Variants in TMEM192 observed in about 807,000 individuals in gnomAD.
TMEM192 encodes the protein transmembrane protein 192.
A neutral mutation model predicts 26.7 loss-of-function variants in TMEM192; 20 were observed. The ratio of observed to expected loss-of-function variants is 0.75; its 90% CI spans 0.53 to 1.09. The LOEUF is 1.09. Ranked by LOEUF, TMEM192 falls within the 50% of genes least tolerant of loss-of-function variation. The pLI, the probability that TMEM192 is intolerant of heterozygous loss-of-function variation, is 0.00. For missense variants in TMEM192, 304 were observed against 322.6 expected (o/e 0.94, Z 0.44); for synonymous variants, 124 against 121.0 (o/e 1.02, Z -0.16).
At position 165,074,942 on chromosome 4, in the gene TMEM192, T is replaced by C. The variant is rs1396999266; in HGVS notation, c.*4716A>G. 2 of 152,214 alleles carry C rather than the reference T, an allele frequency of 1.3e-5. No individual in the cohort carries two copies. The highest frequency in any genetic ancestry group is 6.5e-5 in the Admixed American group (1 of 15,284). 9.4% of individuals were successfully genotyped at this position (152,214 alleles called of 1,614,324 possible). ...CAATAATAAGCAAAGGACTTGAATATACATGTCATAAAAGATTTATAAAAG... is the reference window on the plus strand; with the variant it reads ...CAATAATAAGCAAAGGACTTGAATACACATGTCATAAAAGATTTATAAAAG... On this transcript the variant is annotated 3_prime_UTR_variant, in exon 6 of 6. Transcript: ENST00000306480.
rs545616636 is a variant in TMEM192, at chr4:165,081,949, C to A, written c.678-2153G>T. 1.8e-3 allele frequency among the ~76,000 whole-genome samples: 64 copies of A among 35,358 alleles called. 31 individuals are homozygous for A. The highest frequency in any genetic ancestry group is 5.8e-3 in the Non-Finnish European group (56 of 9,640). The allele number at this position is 35,358 out of a possible 152,430, so 23.2% of individuals were successfully genotyped here. On this transcript the variant is annotated intron_variant, in intron 5 of 5. Transcript: ENST00000306480. ...ATAGTGCTGGGATTACAGGCGTGAG[C>A]CACCATGACTGACCATCTTCTTTTT...
At chr4:165,101,889 C>T (rs1735047031) in intron 2 of TMEM192, among the ~76,000 whole-genome samples, 1 of 152,214 alleles carries the variant, frequency 6.6e-6, no homozygotes, top group Non-Finnish European at 1.5e-5. Context: ...TGCAGACAGG[C>T]AAACCTATCA....
chr4:165,087,966 G>A (rs563589796), intron 4 of TMEM192, among the ~76,000 whole-genome samples: 5 of 152,316 alleles, frequency 3.3e-5, no homozygotes, highest in Admixed American at 6.5e-5. Context: ...CTGGAGTGCA[G>A]GCATGTGATC....
rs748320584 is a variant in TMEM192 at position 165,088,619 on chromosome 4, T to C, written c.440-17A>G. On this transcript the variant is annotated splice_polypyrimidine_tract_variant and intron_variant, in intron 3 of 5. Transcript: ENST00000306480. ...CTGTGTTGCCTGAGGAGGAGAAACA[T>C]AAAACACAGCATGTGATGAGAAATA... The C allele has an allele frequency of 8.1e-6, 13 of 1,603,648 alleles. No homozygotes were observed. The highest frequency in any genetic ancestry group is 8.0e-5 in the African/African-American group (6 of 74,648).
At chr4:165,111,152 T>A (rs921835753) in intron 1 of TMEM192, among the ~76,000 whole-genome samples, 1 of 152,178 alleles carries the variant, frequency 6.6e-6, no homozygotes, top group Non-Finnish European at 1.5e-5. Flanking sequence ...CCGGCTGGAG[T>A]GCAGTGATGC....
At chr4:165,102,847 CATTTT>C (rs1735068939) in intron 2 of TMEM192, 98 bp downstream of exon 2, 2 of 947,818 alleles carry the variant, frequency 2.1e-6, no homozygotes, top group African/African-American at 3.4e-5. Flanking sequence ...ATGTGCCCTA[CATTTT>C]AAATGTTGAT....
At chr4:165,091,061 T>C (rs1734750683) in intron 3 of TMEM192, among the ~76,000 whole-genome samples, 1 of 151,498 alleles carries the variant, frequency 6.6e-6, no homozygotes, top group Non-Finnish European at 1.5e-5. Flanking sequence ...GCCAGGAGAT[T>C]GAGACCATCC....
intron 3 of TMEM192, among the ~76,000 whole-genome samples, chr4:165,094,189 C>T (rs1049972779): frequency 6.6e-6 from 1 of 152,186 alleles, no homozygotes; most frequent in Non-Finnish European, 1.5e-5. Context: ...GCGTGAGCCA[C>T]AGCACCTGGC....
Position 165,112,253 on chromosome 4 carries a change from G to A in TMEM192, c.27+494C>T, listed in dbSNP as rs188070527. Among the ~76,000 whole-genome samples, 15 of 152,286 alleles carry A rather than the reference G, an allele frequency of 9.8e-5. No individual in the cohort carries two copies. In the East Asian group the frequency reaches 2.7e-3, roughly 27 times the overall value. ...CGGGACGCTGGCGCCCGGCCCGAGC[G>A]TCGTTGTCACTCCAAGTCCACAGCC... is the stretch of plus-strand genomic sequence containing the variant. On this transcript the variant is annotated intron_variant, in intron 1 of 5. Transcript: ENST00000306480.
chr4:165,091,983 C>A (rs538825539), intron 3 of TMEM192, among the ~76,000 whole-genome samples: 2 of 152,110 alleles, frequency 1.3e-5, no homozygotes, highest in East Asian at 1.9e-4. Context: ...TAAGAGTATG[C>A]CCATGATCCA....
chr4:165,085,430 C>A (rs1238448765), intron 5 of TMEM192, among the ~76,000 whole-genome samples, 156 bp downstream of exon 5: 2 of 152,108 alleles, frequency 1.3e-5, no homozygotes, highest in Non-Finnish European at 2.9e-5. Flanking sequence ...ATTTACACAT[C>A]CTGATTTAGA....
In TMEM192 at chr4:165,074,293, T is replaced by C. The variant is rs1024603209; in HGVS notation, c.*5365A>G. The C allele has an allele frequency of 5.3e-5, 8 of 152,144 alleles. No individual in the cohort carries two copies. The highest frequency in any genetic ancestry group is 3.3e-4 in the Admixed American group (5 of 15,258). The allele number at this position is 152,144 out of a possible 1,614,324, so 9.4% of individuals were successfully genotyped here. ...GAGAGGAAGGGAGAAGAATTAGAGA[T>C]AGGCTTCCCTGGTTTGCGAATGAAA... On this transcript the variant is annotated 3_prime_UTR_variant, in exon 6 of 6. Transcript: ENST00000306480.
At chr4:165,109,042 C>T (rs570973292) in intron 1 of TMEM192, among the ~76,000 whole-genome samples, 26 of 152,280 alleles carry the variant, frequency 1.7e-4, no homozygotes, top group Admixed American at 7.2e-4. Flanking sequence ...TTGTATCATA[C>T]GTTATATCTA....
chr4:165,098,755 C>T (rs190025064), intron 3 of TMEM192, among the ~76,000 whole-genome samples: 13 of 151,670 alleles, frequency 8.6e-5, no homozygotes, highest in Admixed American at 6.6e-4. Flanking sequence ...TGGAGTGCAG[C>T]GGCATGACTT....
intron 2 of TMEM192, among the ~76,000 whole-genome samples, chr4:165,102,437 A>T (rs952022273): frequency 1.3e-5 from 2 of 152,150 alleles, no homozygotes; most frequent in African/African-American, 2.4e-5. Flanking sequence ...ATATTCTATT[A>T]TATACAGGAA....
In TMEM192 at chr4:165,100,751, G is replaced by T. The variant is rs1735020925; in HGVS notation, c.316C>A (p.Leu106Ile). 2.5e-6 allele frequency: 4 copies of T among 1,613,914 alleles called. No individual in the cohort carries two copies. Among genetic ancestry groups the T allele is most frequent in the Non-Finnish European group, 3.4e-6 (4 of 1,180,014 alleles). The change falls in exon 3 of 6, where the codon CTC (leucine) becomes ATC (isoleucine). Residue 106 changes from leucine (L) to isoleucine (I), a missense_variant. Leu to Ile is a conservative substitution (Grantham distance 5). Coordinates refer to ENST00000306480, the MANE Select transcript of TMEM192 (RefSeq NM_001100389.2). ...ATGTAGCATTCAAGGAGTAAATGGAGAATCCACAAAATAACTTTCCCAAGG... is the reference window on the plus strand; with the variant it reads ...ATGTAGCATTCAAGGAGTAAATGGATAATCCACAAAATAACTTTCCCAAGG... ...IILGKVILWI[L>I]HLLLECYIQY...
chr4:165,102,379 C>T lies in TMEM192; in HGVS notation c.174+571G>A, dbSNP rs541064121. ...ATATTAGTGTCTCTTCCACCAAGAC[C>T]CTCAGTCCTCATTTCAGAGGCAACT... On this transcript the variant is annotated intron_variant, in intron 2 of 5. Transcript: ENST00000306480. 7.9e-5 allele frequency among the ~76,000 whole-genome samples: 12 copies of T among 152,120 alleles called. 1 individual carries two copies. Among genetic ancestry groups the T allele is most frequent in the Admixed American group, 7.9e-4 (12 of 15,248 alleles).
rs1046889098 is a variant in TMEM192 at position 165,105,458 on chromosome 4, C to T, written c.28-2362G>A. 3.3e-5 allele frequency among the ~76,000 whole-genome samples: 5 copies of T among 152,226 alleles called. No homozygotes were observed. In the East Asian group the frequency reaches 9.7e-4, roughly 29 times the overall value. On this transcript the variant is annotated intron_variant, in intron 1 of 5. Transcript: ENST00000306480. ...AGTTTTACCGCTTTCTAGCTGAGAGCAAGTTACTTCATCTCTCATGCCTCA... is the reference window on the plus strand; with the variant it reads ...AGTTTTACCGCTTTCTAGCTGAGAGTAAGTTACTTCATCTCTCATGCCTCA...
chr4:165,106,381 G>A (rs1264754529), intron 1 of TMEM192, among the ~76,000 whole-genome samples: 1 of 152,112 alleles, frequency 6.6e-6, no homozygotes, highest in African/African-American at 2.4e-5. Flanking sequence ...AAACATTCGT[G>A]TTTCTCTCCT....
Sources: allele counts gnomAD v4.1 joint callset (sites outside exome capture counted in the v4.1 genomes callset), GRCh38; gene constraint gnomAD v4.1.1; transcripts MANE v1.5; gene names NCBI Gene and HGNC (gene_info 2026-07-23, HGNC 2026-07-21).